CYP4F22: variants seen among roughly 807,000 people sequenced by gnomAD.
CYP4F22 encodes ultra-long-chain fatty acid omega-hydroxylase.
A neutral mutation model predicts 60.4 loss-of-function variants in CYP4F22; 37 were observed. The observed-to-expected ratio is 0.61, with a 90% CI of 0.47 to 0.81. The LOEUF is 0.81. Ranked by LOEUF, CYP4F22 falls within the 30% of genes least tolerant of loss-of-function variation. The pLI is 0.00. For synonymous variants in CYP4F22, 258 were observed against 280.5 expected, an observed-to-expected ratio of 0.92 and a Z score of 0.80; for missense variants, 655 against 715.0, an observed-to-expected ratio of 0.92 and a Z score of 0.96.
chr19:15,518,735 C>T (rs1164096520), intron 1 of CYP4F22, among the ~76,000 whole-genome samples: 1 of 144,018 alleles, frequency 6.9e-6, no homozygotes, highest in Non-Finnish European at 1.5e-5. Context: ...GTCTAAATTT[C>T]ATTTAGAGCA....
chr19:15,509,897 C>CTTTCTTTCTTTCT lies in CYP4F22; in HGVS notation c.-109+1316_-109+1317insTCTTTCTTTCTTT, dbSNP rs1213253329. On this transcript the variant is annotated intron_variant, in intron 1 of 13. Transcript: ENST00000269703. ...CCTTCCTTCCTTCCTTCCTTCCTTCCTTCCTTCCTTTCTTTCTTTCCTTCC... is the reference window on the plus strand; with the variant it reads ...CCTTCCTTCCTTCCTTCCTTCCTTCCTTTCTTTCTTTCTTTCCTTCCTTTCTTTCTTTCCTTCC... Among the ~76,000 whole-genome samples the CTTTCTTTCTTTCT allele has an allele frequency of 8.9e-3, 1,024 of 114,804 alleles. 11 individuals are homozygous for CTTTCTTTCTTTCT. Among genetic ancestry groups the CTTTCTTTCTTTCT allele is most frequent in the East Asian group, 0.048 (167 of 3,476 alleles). 75.3% of individuals were successfully genotyped at this position (114,804 alleles called of 152,430 possible).
At chr19:15,547,409 C>T (rs774185142) in intron 10 of CYP4F22, among the ~76,000 whole-genome samples, 2 of 152,066 alleles carry the variant, frequency 1.3e-5, no homozygotes, top group Admixed American at 6.6e-5. Flanking sequence ...CCTGGCACCT[C>T]GCCTAGGTGC....
rs369025768 is a variant in CYP4F22, at chr19:15,517,137, G to C, written c.-108-6556G>C. The stretch of plus-strand genomic sequence containing the variant: ...TGCCCGACCTCAAATGATAATTCTA[G>C]GGTTTCCCCACAGTGGCTGCACTAT... On this transcript the variant is annotated intron_variant, in intron 1 of 13. Coordinates refer to ENST00000269703, the MANE Select transcript of CYP4F22 (RefSeq NM_173483.4). Among the ~76,000 whole-genome samples, 6 of 150,528 alleles carry C rather than the reference G, an allele frequency of 4.0e-5. No individual in the cohort carries two copies. In the East Asian group the frequency reaches 8.0e-4, roughly 20 times the overall value.
At position 15,517,507 on chromosome 19, in the gene CYP4F22, T is replaced by C. The variant is rs1447388130; in HGVS notation, c.-108-6186T>C. On this transcript the variant is annotated intron_variant, in intron 1 of 13. Transcript: ENST00000269703. The stretch of plus-strand genomic sequence containing the variant: ...CCCTCCCCAAGCACCCATCTCCCCA[T>C]GTACCCAGCCACCTGGAGCAGGGAT... 2.6e-5 allele frequency among the ~76,000 whole-genome samples: 4 copies of C among 152,216 alleles called. No individual in the cohort carries two copies. The East Asian group carries it at 7.7e-4, about 29-fold the overall frequency.
At chr19:15,551,064 C>G (rs1282245045) in intron 13 of CYP4F22, among the ~76,000 whole-genome samples, 1 of 152,112 alleles carries the variant, frequency 6.6e-6, no homozygotes, top group Non-Finnish European at 1.5e-5. Context: ...GCTGTGTATC[C>G]AGGACACACA....
chr19:15,520,808 G>A (rs1267305916), intron 1 of CYP4F22, among the ~76,000 whole-genome samples: 5 of 127,402 alleles, frequency 3.9e-5, no homozygotes, highest in South Asian at 2.6e-4. Flanking sequence ...TCGCTCTGTC[G>A]CCAGGCTGGA....
At chr19:15,513,714 TGG>T (rs1971121727) in intron 1 of CYP4F22, among the ~76,000 whole-genome samples, 1 of 152,042 alleles carries the variant, frequency 6.6e-6, no homozygotes, top group African/African-American at 2.4e-5. Context: ...TTGTCCAGGC[TGG>T]TTGCGAACTC....
intron 1 of CYP4F22, among the ~76,000 whole-genome samples, chr19:15,509,980 CT>C (rs1348731998): frequency 6.9e-6 from 1 of 143,914 alleles, no homozygotes; most frequent in Non-Finnish European, 1.5e-5. Context: ...TTCTTTCTTT[CT>C]TTTTTTGTTG....
intron 1 of CYP4F22, among the ~76,000 whole-genome samples, chr19:15,513,574 T>C (rs911615574): frequency 1.3e-4 from 20 of 151,814 alleles, no homozygotes; most frequent in Non-Finnish European, 2.4e-4. Flanking sequence ...CCGTGTTAGC[T>C]AGGATGGTCT....
At chr19:15,523,934 C>A (rs1359536033) in intron 2 of CYP4F22, 135 bp downstream of exon 2, 1 of 152,046 alleles carries the variant, frequency 6.6e-6, no homozygotes, top group African/African-American at 2.4e-5. Flanking sequence ...GTGGCATGCA[C>A]CTGTAGTCCC....
At chr19:15,526,892 G>A (rs1367160762) in intron 3 of CYP4F22, among the ~76,000 whole-genome samples, 1 of 151,930 alleles carries the variant, frequency 6.6e-6, no homozygotes, top group Admixed American at 6.6e-5. Context: ...CTGCAAGCCT[G>A]CAAGTGCATG....
chr19:15,516,690 G>A, intron 1 of CYP4F22: 1 of 512,878 alleles, frequency 1.9e-6, no homozygotes, highest in East Asian at 5.0e-5. Flanking sequence ...GAGGAGCAAT[G>A]GATAAGAGAT....
Position 15,530,454 on chromosome 19 carries a change from G to C in CYP4F22, c.367+601G>C, listed in dbSNP as rs576121356. Among the ~76,000 whole-genome samples the C allele has an allele frequency of 4.2e-4, 64 of 152,240 alleles. 2 individuals carry two copies. In the Middle Eastern group the frequency reaches 0.034, roughly 81 times the overall value. On this transcript the variant is annotated intron_variant, in intron 4 of 13. Transcript: ENST00000269703. ...CTCAGTCCTAACCCTTTGGACCTGG[G>C]TATGTCTGTGTCCAGCTCTATCTTC...
chr19:15,545,677 G>A (rs375249140), intron 10 of CYP4F22, among the ~76,000 whole-genome samples: 879 of 50,006 alleles, frequency 0.018, 3 homozygotes, highest in East Asian at 0.034. Flanking sequence ...AAAAAGAAAA[G>A]AAAAGAAAAG....
At chr19:15,515,710 A>G (rs1410723328) in intron 1 of CYP4F22, among the ~76,000 whole-genome samples, 1 of 151,688 alleles carries the variant, frequency 6.6e-6, no homozygotes, top group Admixed American at 6.6e-5. Context: ...TGGGCAACAG[A>G]GCGAGACTCT....
intron 1 of CYP4F22, among the ~76,000 whole-genome samples, chr19:15,512,006 A>G (rs1323723446): frequency 6.6e-6 from 1 of 150,970 alleles, no homozygotes; most frequent in Non-Finnish European, 1.5e-5. Flanking sequence ...CGGTGTAGAT[A>G]GGGAGTGGAC....
chr19:15,548,041 G>GTGTGTGTGTGTGTT (rs1971551976), intron 10 of CYP4F22, 67 bp from the exon 11 acceptor site: 1 of 1,348,216 alleles, frequency 7.4e-7, no homozygotes, highest in African/African-American at 1.5e-5. Context: ...GTGTGTGTGT[G>GTGTGTGTGTGTGTT]TGTGTGTGTT....
At position 15,544,124 on chromosome 19, in the gene CYP4F22, A is replaced by T. The variant is rs1387320447; in HGVS notation, c.1007-26A>T. 1.9e-6 allele frequency: 3 copies of T among 1,614,072 alleles called. No individual in the cohort carries two copies. In the African/African-American group the frequency reaches 4.0e-5, roughly 22 times the overall value. On this transcript the variant is annotated intron_variant, in intron 9 of 13. Coordinates refer to ENST00000269703, the MANE Select transcript of CYP4F22 (RefSeq NM_173483.4). ...TCTCTGCTTTCTTCAGGCAGCCTCC[A>T]TTCAGATACCCTCATCTCCCTGCAG...
At chr19:15,547,025 T>G (rs942831768) in intron 10 of CYP4F22, among the ~76,000 whole-genome samples, 1 of 140,480 alleles carries the variant, frequency 7.1e-6, no homozygotes, top group Non-Finnish European at 1.5e-5. Context: ...CCAGTTTTTT[T>G]TTTTTTTTTT....
Sources: allele counts gnomAD v4.1 joint callset (sites outside exome capture counted in the v4.1 genomes callset), GRCh38; gene constraint gnomAD v4.1.1; transcripts MANE v1.5; gene names NCBI Gene and HGNC (gene_info 2026-07-23, HGNC 2026-07-21).